TFF1: variants seen among roughly 807,000 people sequenced by gnomAD.
TFF1 encodes trefoil factor 1.
TFF1 carries 8 observed loss-of-function variants against 7.7 expected under a neutral mutation model. That is an observed-to-expected ratio of 1.04 (90% CI 0.61 to 1.87). The LOEUF (loss-of-function observed/expected upper bound fraction) is 1.87. TFF1 is among the 40% of genes most tolerant of loss of function. The pLI is 0.00. For missense variants in TFF1, 120 were observed against 113.4 expected, an observed-to-expected ratio of 1.06 and a Z score of -0.26; for synonymous variants, 47 against 44.8, an observed-to-expected ratio of 1.05 and a Z score of -0.19.
Position 42,366,437 on chromosome 21 carries a change from A to G in TFF1, c.59T>C (p.Leu20Pro), listed in dbSNP as rs1200790185. The G allele has an allele frequency of 6.2e-7, 1 of 1,612,062 alleles. No homozygotes were observed. Among genetic ancestry groups the G allele is most frequent in the Non-Finnish European group, 8.5e-7 (1 of 1,178,608 alleles). Residue 20 changes from leucine to proline, a missense_variant, in exon 1 of 3, where the codon CTC (leucine) becomes CCC (proline). Coordinates refer to ENST00000291527, the MANE Select transcript of TFF1 (RefSeq NM_003225.3). Reference protein sequence around the residue: ...CALVLVSMLALGTLAEAQTET... With the variant: ...CALVLVSMLAPGTLAEAQTET... ...TGTCTGGGCCTCGGCCAGGGTGCCGAGGGCCAGCATGGACACCAGGACCAG... is the reference window on the plus strand; with the variant it reads ...TGTCTGGGCCTCGGCCAGGGTGCCGGGGGCCAGCATGGACACCAGGACCAG...
chr21:42,362,985 G>A lies in TFF1; in HGVS notation c.238+270C>T, dbSNP rs181760455. Among the ~76,000 whole-genome samples, 9 of 151,928 alleles carry A rather than the reference G, an allele frequency of 5.9e-5. No individual in the cohort carries two copies. In the South Asian group the frequency reaches 8.3e-4, roughly 14 times the overall value. ...CTCTATCCTAGGCAAGCTAGAAAGC[G>A]TTACCAACAGTGGCTCTTCCCAGGC... On this transcript the variant is annotated intron_variant, in intron 2 of 2. Transcript: ENST00000291527.
At chr21:42,366,378 T>C (rs375326538) in intron 1 of TFF1, 33 bp downstream of exon 1, 14 of 1,543,944 alleles carry the variant, frequency 9.1e-6, no homozygotes, top group Middle Eastern at 1.7e-4. Flanking sequence ...GAGCTGGCTG[T>C]GGCCCCACAG....
chr21:42,363,305 C>T lies in TFF1; in HGVS notation c.188G>A (p.Arg63His), dbSNP rs141090896. 7.6e-5 allele frequency: 122 copies of T among 1,614,096 alleles called. No homozygotes were observed. Among genetic ancestry groups the T allele is most frequent in the African/African-American group, 1.7e-4 (13 of 74,936 alleles). ...NKGCCFDDTV[R>H]GVPWCFYPNT... ...AGGATAGAAGCACCAGGGGACCCCA[C>T]GAACGGTGTCGTCGAAACAGCAGCC... The change falls in exon 2 of 3, where the codon CGT becomes CAT. Residue 63 changes from arginine to histidine, a missense_variant. Transcript: ENST00000291527.
chr21:42,365,033 G>A (rs915809870), intron 1 of TFF1, among the ~76,000 whole-genome samples: 3 of 152,120 alleles, frequency 2.0e-5, no homozygotes, highest in African/African-American at 7.2e-5. Flanking sequence ...CTCTGCCTCC[G>A]GCAGACTCTG....
intron 1 of TFF1, 103 bp from the exon 2 acceptor site, chr21:42,363,510 T>A: frequency 7.2e-7 from 1 of 1,397,236 alleles, no homozygotes; most frequent in Non-Finnish European, 9.6e-7. Context: ...CATCAGCAAC[T>A]GTCCAGTGAG....
chr21:42,363,403 C>A lies in TFF1; in HGVS notation c.90G>T (p.Thr30=), dbSNP rs377111345. Residue 30 remains threonine (T), a synonymous_variant, in exon 2 of 3, where the codon ACG becomes ACT. Transcript: ENST00000291527. ...GTCTTTCACGGGGGGCCACTGTACA[C>A]GTCTCTGAAAGTGCACAGGTAAGAA... ...LGTLAEAQTE[T]CTVAPRERQN... 26 of 1,613,662 alleles carry A rather than the reference C, an allele frequency of 1.6e-5. No homozygotes were observed. The highest frequency in any genetic ancestry group is 5.1e-6 in the Non-Finnish European group (6 of 1,179,880).
In TFF1 at chr21:42,362,360, G is replaced by A; in HGVS notation, c.*119C>T. On this transcript the variant is annotated 3_prime_UTR_variant, in exon 3 of 3. Transcript: ENST00000291527. ...GCAGTCAATCTGTGTTGTGAGCCGA[G>A]GCACAGCTGCAGAAGCGTGTCTGAG... 1 of 1,183,260 alleles carries A rather than the reference G, an allele frequency of 8.5e-7. No individual in the cohort carries two copies. Among genetic ancestry groups the A allele is most frequent in the Non-Finnish European group, 1.2e-6 (1 of 841,812 alleles). The allele number at this position is 1,183,260 out of a possible 1,614,324, so 73.3% of individuals were successfully genotyped here.
chr21:42,363,330 C>T lies in TFF1; in HGVS notation c.163G>A (p.Gly55Ser). 2 of 1,614,124 alleles carry T rather than the reference C, an allele frequency of 1.2e-6. No homozygotes were observed. The highest frequency in any genetic ancestry group is 1.7e-6 in the Non-Finnish European group (2 of 1,180,034). Residue 55 changes from glycine (G) to serine (S), a missense_variant, in exon 2 of 3, where the codon GGC (glycine) becomes AGC (serine). Transcript: ENST00000291527. Reference protein sequence around the residue: ...GVTPSQCANKGCCFDDTVRGV... With the variant: ...GVTPSQCANKSCCFDDTVRGV... ...CGAACGGTGTCGTCGAAACAGCAGCCCTTATTTGCACACTGGGAGGGCGTG... is the reference window on the plus strand; with the variant it reads ...CGAACGGTGTCGTCGAAACAGCAGCTCTTATTTGCACACTGGGAGGGCGTG...
chr21:42,363,140 G>T, intron 2 of TFF1, 115 bp downstream of exon 2: 2 of 1,385,072 alleles, frequency 1.4e-6, no homozygotes, highest in South Asian at 1.3e-5. Flanking sequence ...ACCACTGGCG[G>T]CCGTGACTCT....
chr21:42,364,949 G>A (rs535629797), intron 1 of TFF1, among the ~76,000 whole-genome samples: 4 of 152,208 alleles, frequency 2.6e-5, no homozygotes, highest in African/African-American at 7.2e-5. Context: ...GAGAGGCCCC[G>A]TGGTGAGGGA....
At chr21:42,365,718 G>A (rs2146407291) in intron 1 of TFF1, among the ~76,000 whole-genome samples, 1 of 152,356 alleles carries the variant, frequency 6.6e-6, no homozygotes, top group East Asian at 1.9e-4. Context: ...CCCTAGGGCA[G>A]ACCGTTGATC....
chr21:42,363,510 T>G, intron 1 of TFF1, 103 bp from the exon 2 acceptor site: 2 of 1,397,236 alleles, frequency 1.4e-6, no homozygotes, highest in Non-Finnish European at 1.9e-6. Context: ...CATCAGCAAC[T>G]GTCCAGTGAG....
At chr21:42,362,817 T>C (rs2052248517) in intron 2 of TFF1, among the ~76,000 whole-genome samples, 1 of 150,574 alleles carries the variant, frequency 6.6e-6, no homozygotes, top group Non-Finnish European at 1.5e-5. Context: ...AAGCTGAGGT[T>C]GAACTCAGGA....
At chr21:42,366,372 TG>T in intron 1 of TFF1, 38 bp downstream of exon 1, 1 of 1,513,774 alleles carries the variant, frequency 6.6e-7, no homozygotes. Context: ...CTGCCAGAGC[TG>T]GCTGTGGCCC....
chr21:42,365,412 G>A (rs904225261), intron 1 of TFF1, among the ~76,000 whole-genome samples: 1 of 152,138 alleles, frequency 6.6e-6, no homozygotes, highest in Non-Finnish European at 1.5e-5. Context: ...GGGCTTGGGG[G>A]TCTTCCCACT....
At chr21:42,365,056 G>A (rs572217952) in intron 1 of TFF1, among the ~76,000 whole-genome samples, 246 of 152,230 alleles carry the variant, frequency 1.6e-3, no homozygotes, top group African/African-American at 5.7e-3. Context: ...TTGCCCACCC[G>A]CTTTGTCTTT....
chr21:42,365,129 A>G (rs996923961), intron 1 of TFF1, among the ~76,000 whole-genome samples: 2 of 152,106 alleles, frequency 1.3e-5, no homozygotes, highest in Non-Finnish European at 2.9e-5. Context: ...TGTAATCACA[A>G]TTTTCTAGAT....
intron 2 of TFF1, 41 bp from the exon 3 acceptor site, chr21:42,362,536 A>T (rs762354115): frequency 7.1e-6 from 11 of 1,541,048 alleles, no homozygotes; most frequent in Non-Finnish European, 9.6e-6. Flanking sequence ...TGCTTTAGTG[A>T]GGATAAACAT....
At chr21:42,365,209 G>A (rs558906543) in intron 1 of TFF1, among the ~76,000 whole-genome samples, 3 of 152,028 alleles carry the variant, frequency 2.0e-5, no homozygotes, top group Non-Finnish European at 4.4e-5. Context: ...CAGAGGGTGT[G>A]TGGGGTGGGG....
Sources: allele counts gnomAD v4.1 joint callset (sites outside exome capture counted in the v4.1 genomes callset), GRCh38; gene constraint gnomAD v4.1.1; transcripts MANE v1.5; gene names NCBI Gene and HGNC (gene_info 2026-07-23, HGNC 2026-07-21).